Variants in ADAM32 observed in about 807,000 individuals in gnomAD.
The protein encoded by ADAM32 is disintegrin and metalloproteinase domain-containing protein 32.
In ADAM32, 89 loss-of-function variants were observed where a neutral mutation model predicts 114.9. That is an observed-to-expected ratio of 0.77 (90% CI 0.65 to 0.92). The LOEUF (loss-of-function observed/expected upper bound fraction) is 0.92. ADAM32 is among the 40% of genes least tolerant of loss of function. The probability of loss-of-function intolerance (pLI) is 0.00; values close to 1 mark genes in which losing one functional copy is unlikely to be tolerated. For missense variants in ADAM32, 870 were observed against 932.8 expected (o/e 0.93, Z 0.88); for synonymous variants, 285 against 307.5 (o/e 0.93, Z 0.77).
intron 6 of ADAM32, among the ~76,000 whole-genome samples, chr8:39,156,101 A>T (rs1804133625): frequency 6.6e-6 from 1 of 152,204 alleles, no homozygotes; most frequent in Non-Finnish European, 1.5e-5. Flanking sequence ...CTCTTAAATA[A>T]TTTGGGGAAA....
At chr8:39,137,394 A>G (rs950542402) in intron 3 of ADAM32, among the ~76,000 whole-genome samples, 1 of 152,236 alleles carries the variant, frequency 6.6e-6, no homozygotes, top group East Asian at 1.9e-4. Flanking sequence ...AGAGGCTTAC[A>G]TGAATATTTT....
At chr8:39,175,115 C>T (rs1805442885) in intron 10 of ADAM32, among the ~76,000 whole-genome samples, 1 of 152,158 alleles carries the variant, frequency 6.6e-6, no homozygotes, top group African/African-American at 2.4e-5. Context: ...GGTATAGGAT[C>T]ATGTCATCTG....
chr8:39,272,504 G>T (rs1334044984), intron 20 of ADAM32, among the ~76,000 whole-genome samples: 1 of 152,146 alleles, frequency 6.6e-6, no homozygotes, highest in East Asian at 1.9e-4. Flanking sequence ...AGCCTGTACA[G>T]CATCTTATGG....
intron 10 of ADAM32, among the ~76,000 whole-genome samples, chr8:39,182,815 G>T (rs1282797267): frequency 1.3e-5 from 2 of 152,174 alleles, no homozygotes; most frequent in African/African-American, 4.8e-5. Flanking sequence ...CATTTGAGGA[G>T]ATGTTCACGT....
intron 22 of ADAM32, among the ~76,000 whole-genome samples, chr8:39,278,896 C>T (rs1813256467): frequency 6.6e-6 from 1 of 152,118 alleles, no homozygotes; most frequent in African/African-American, 2.4e-5. Context: ...TAAATGGTTA[C>T]TCCTAGCTGA....
At chr8:39,263,281 G>A (rs1258178409) in intron 19 of ADAM32, among the ~76,000 whole-genome samples, 3 of 152,030 alleles carry the variant, frequency 2.0e-5, no homozygotes, top group Non-Finnish European at 4.4e-5. Context: ...TTGAATTTTA[G>A]CATGCACTGT....
At chr8:39,141,410 A>G (rs1333409315) in intron 3 of ADAM32, among the ~76,000 whole-genome samples, 2 of 152,204 alleles carry the variant, frequency 1.3e-5, no homozygotes, top group African/African-American at 2.4e-5. Context: ...CATTGGTTTC[A>G]AAGAACATCT....
At chr8:39,134,045 G>A (rs1802628753) in intron 2 of ADAM32, among the ~76,000 whole-genome samples, 2 of 152,166 alleles carry the variant, frequency 1.3e-5, no homozygotes, top group Non-Finnish European at 2.9e-5. Context: ...TCTCTGGGGT[G>A]TAGGACATTG....
At chr8:39,228,517 T>C (rs542949587) in intron 14 of ADAM32, among the ~76,000 whole-genome samples, 129 of 152,246 alleles carry the variant, frequency 8.5e-4, no homozygotes, top group African/African-American at 3.1e-3. Context: ...TTGGACACAC[T>C]GTTAGAAATG....
Position 39,211,308 on chromosome 8 carries a change from A to G in ADAM32, c.1217A>G (p.Asp406Gly). Residue 406 changes from aspartate to glycine, a missense_variant, in exon 12 of 25, where the codon GAT becomes GGT. Asp to Gly is a moderately conservative substitution (Grantham distance 94). Coordinates refer to ENST00000379907, the MANE Select transcript of ADAM32 (RefSeq NM_145004.7). ...AGATTGGAGGGAAATGAAATCTGTG[A>G]TTGTGGTACTGAGGCTGTAAGTATG... ...NGRLEGNEIC[D>G]CGTEAQCGPA... The G allele has an allele frequency of 6.4e-7, 1 of 1,558,692 alleles. No individual in the cohort carries two copies. Among genetic ancestry groups the G allele is most frequent in the East Asian group, 2.4e-5 (1 of 42,432 alleles).
Position 39,283,606 on chromosome 8 carries a change from C to A in ADAM32, c.2339C>A (p.Thr780Asn). Reference protein sequence around the residue: ...YTSRSKSQDSTQTQSSSN With the variant: ...YTSRSKSQDSNQTQSSSN ...CTTAGATCCAAATCACAGGACAGTA[C>A]CCAAACACAAAGCAGTAGGTAAGTA... The change falls in exon 24 of 25, where the codon ACC (threonine) becomes AAC (asparagine). Residue 780 changes from threonine (T) to asparagine (N), a missense_variant. Coordinates refer to ENST00000379907, the MANE Select transcript of ADAM32 (RefSeq NM_145004.7). 1 of 1,602,364 alleles carries A rather than the reference C, an allele frequency of 6.2e-7. No individual in the cohort carries two copies. Among genetic ancestry groups the A allele is most frequent in the Non-Finnish European group, 8.5e-7 (1 of 1,172,362 alleles).
At chr8:39,260,371 T>G (rs779818417) in intron 19 of ADAM32, among the ~76,000 whole-genome samples, 2 of 152,136 alleles carry the variant, frequency 1.3e-5, no homozygotes, top group Non-Finnish European at 1.5e-5. Flanking sequence ...TGAATAGAAA[T>G]GGTGAGAGGG....
At chr8:39,112,106 T>C (rs1420622516) in intron 1 of ADAM32, among the ~76,000 whole-genome samples, 1 of 152,170 alleles carries the variant, frequency 6.6e-6, no homozygotes, top group Non-Finnish European at 1.5e-5. Flanking sequence ...TTACCATCTT[T>C]CCTGATTGTC....
At chr8:39,139,738 G>A (rs1197658009) in intron 3 of ADAM32, among the ~76,000 whole-genome samples, 3 of 152,082 alleles carry the variant, frequency 2.0e-5, no homozygotes, top group African/African-American at 7.2e-5. Flanking sequence ...GATGGGGATG[G>A]CATTGAATCT....
intron 17 of ADAM32, among the ~76,000 whole-genome samples, chr8:39,253,507 T>A (rs1811438906): frequency 6.6e-6 from 1 of 151,802 alleles, no homozygotes; most frequent in Non-Finnish European, 1.5e-5. Context: ...AATGCCATGA[T>A]TGTATACACA....
intron 10 of ADAM32, among the ~76,000 whole-genome samples, chr8:39,178,259 A>G (rs533016110): frequency 6.6e-6 from 1 of 152,210 alleles, no homozygotes; most frequent in East Asian, 1.9e-4. Context: ...TTATTTCAGA[A>G]AGACAGTCTT....
At chr8:39,136,777 C>G (rs894525573) in intron 3 of ADAM32, 59 bp downstream of exon 3, 75 of 1,162,082 alleles carry the variant, frequency 6.5e-5, no homozygotes, top group South Asian at 2.1e-4. Flanking sequence ...TGTTTACTTG[C>G]AATAGAAAAT....
At chr8:39,194,188 A>G (rs1424059891) in intron 11 of ADAM32, among the ~76,000 whole-genome samples, 4 of 152,184 alleles carry the variant, frequency 2.6e-5, no homozygotes, top group African/African-American at 9.7e-5. Context: ...TGGTGGGTGC[A>G]GGACAGTGTG....
chr8:39,174,969 T>C (rs2129446630), intron 10 of ADAM32, among the ~76,000 whole-genome samples: 1 of 152,276 alleles, frequency 6.6e-6, no homozygotes, highest in Non-Finnish European at 1.5e-5. Flanking sequence ...AGTTCATTCA[T>C]GATTTCACTC....
Sources: allele counts gnomAD v4.1 joint callset (sites outside exome capture counted in the v4.1 genomes callset), GRCh38; gene constraint gnomAD v4.1.1; transcripts MANE v1.5; gene names NCBI Gene and HGNC (gene_info 2026-07-23, HGNC 2026-07-21).